Variants in APTX observed in about 807,000 individuals in gnomAD.
APTX encodes forkhead-associated domain histidine triad-like protein.
A neutral mutation model predicts 42.3 loss-of-function variants in APTX; 33 were observed. The observed-to-expected ratio is 0.78, with a 90% confidence interval of 0.59 to 1.04. The LOEUF (loss-of-function observed/expected upper bound fraction) is 1.04. Ranked by LOEUF, APTX falls within the 50% of genes least tolerant of loss-of-function variation. The pLI is 0.00. For synonymous variants in APTX, 130 were observed against 146.7 expected, an observed-to-expected ratio of 0.89 and a Z score of 0.82; for missense variants, 421 against 415.1, an observed-to-expected ratio of 1.01 and a Z score of -0.12.
chr9:33,000,799 A>G (rs775204242), intron 1 of APTX, among the ~76,000 whole-genome samples: 1 of 150,764 alleles, frequency 6.6e-6, no homozygotes, highest in African/African-American at 2.4e-5. Flanking sequence ...CTGCTTTGTT[A>G]AGCCACTATC....
intron 1 of APTX, among the ~76,000 whole-genome samples, chr9:33,019,486 CTTTTT>C (rs1276241313): frequency 3.9e-5 from 6 of 151,978 alleles, no homozygotes; most frequent in Non-Finnish European, 5.9e-5. Context: ...TTTCTTTTTT[CTTTTT>C]AATAGTAGCT....
At chr9:32,995,674 T>C (rs928764635) in intron 1 of APTX, among the ~76,000 whole-genome samples, 39 of 151,892 alleles carry the variant, frequency 2.6e-4, no homozygotes, top group Non-Finnish European at 5.1e-4. Flanking sequence ...GATCACGAGG[T>C]CAGGAGATCG....
At chr9:33,016,457 C>A (rs1036927595) in intron 1 of APTX, among the ~76,000 whole-genome samples, 2 of 152,170 alleles carry the variant, frequency 1.3e-5, no homozygotes, top group Non-Finnish European at 2.9e-5. Flanking sequence ...ATGTTTACTG[C>A]ATATCCTTTC....
chr9:33,019,677 C>T, intron 1 of APTX: 2 of 471,616 alleles, frequency 4.2e-6, no homozygotes, highest in South Asian at 4.1e-5. Context: ...AAGGTTAGAC[C>T]TCGCCCCATT....
At chr9:32,977,536 T>C (rs1189077359) in intron 6 of APTX, among the ~76,000 whole-genome samples, 1 of 143,102 alleles carries the variant, frequency 7.0e-6, no homozygotes, top group Non-Finnish European at 1.5e-5. Context: ...TTTATAAAAA[T>C]GGGGGGGAAA....
intron 1 of APTX, among the ~76,000 whole-genome samples, chr9:33,009,993 G>A (rs1837423634): frequency 6.6e-6 from 1 of 152,000 alleles, no homozygotes; most frequent in Non-Finnish European, 1.5e-5. Flanking sequence ...CCAAACACAG[G>A]GCCTTTCCTT....
At chr9:33,007,630 C>T (rs1837252225) in intron 1 of APTX, among the ~76,000 whole-genome samples, 1 of 152,148 alleles carries the variant, frequency 6.6e-6, no homozygotes, top group Non-Finnish European at 1.5e-5. Flanking sequence ...GAATGAAAAT[C>T]TAGCGAAACA....
At chr9:32,992,053 G>A (rs1438980852) in intron 1 of APTX, among the ~76,000 whole-genome samples, 1 of 152,160 alleles carries the variant, frequency 6.6e-6, no homozygotes, top group Non-Finnish European at 1.5e-5. Flanking sequence ...CTGAGGCAAA[G>A]AGAGAGAGGA....
chr9:32,996,886 G>A lies in APTX; in HGVS notation c.-5+4681C>T, dbSNP rs139219749. On this transcript the variant is annotated intron_variant, in intron 1 of 7. Coordinates refer to ENST00000379817, the MANE Select transcript of APTX (RefSeq NM_001195248.2). The stretch of plus-strand genomic sequence containing the variant: ...CTAGTCTTTACTCCAGGATCCCCCG[G>A]TTTTCAGCACCTTTATCAAGTGCAT... Among the ~76,000 whole-genome samples the A allele has an allele frequency of 2.9e-3, 446 of 152,312 alleles. 9 individuals carry two copies. Among genetic ancestry groups the A allele is most frequent in the Non-Finnish European group, 3.1e-3 (208 of 68,022 alleles).
chr9:32,986,488 C>T (rs1832172118), intron 4 of APTX, among the ~76,000 whole-genome samples: 2 of 152,054 alleles, frequency 1.3e-5, no homozygotes, highest in Non-Finnish European at 2.9e-5. Flanking sequence ...TGAGCCACCA[C>T]ACCCGACCCT....
intron 1 of APTX, among the ~76,000 whole-genome samples, chr9:33,024,405 C>T (rs992981303): frequency 3.3e-5 from 5 of 152,236 alleles, no homozygotes; most frequent in African/African-American, 7.2e-5. Flanking sequence ...CCCGTGGTAC[C>T]ATTTTCAAGT....
At chr9:32,979,339 G>A (rs1053258462) in intron 6 of APTX, among the ~76,000 whole-genome samples, 4 of 152,166 alleles carry the variant, frequency 2.6e-5, no homozygotes, top group Non-Finnish European at 4.4e-5. Flanking sequence ...ACGGCCTACA[G>A]CTCCATCCAT....
rs1376506296 is a variant in APTX, at chr9:32,986,005, C to T, written c.509G>A (p.Gly170Asp). The part of the protein sequence containing the change: ...KKESLGHWSQ[G>D]LKISMQDPKM... ...GGGGTCCTGCATAGAAATCTTCAAG[C>T]CTTGACTCCAGTGGCCCAGGGATTC... The change falls in exon 5 of 8, where the codon GGC (glycine) becomes GAC (aspartate). Residue 170 changes from glycine to aspartate, a missense_variant. Gly to Asp is a moderately conservative substitution (Grantham distance 94). Coordinates refer to ENST00000379817, the MANE Select transcript of APTX (RefSeq NM_001195248.2). 2.5e-6 allele frequency: 4 copies of T among 1,598,576 alleles called. No homozygotes were observed. The highest frequency in any genetic ancestry group is 4.5e-5 in the East Asian group (2 of 44,628).
upstream of APTX, among the ~76,000 whole-genome samples, chr9:33,002,979 G>A (rs1365698515): frequency 6.6e-6 from 1 of 152,174 alleles, no homozygotes; most frequent in Non-Finnish European, 1.5e-5. Context: ...ATAAGGAAGT[G>A]GGAAAACACA....
chr9:32,989,513 A>G (rs1833030428), intron 2 of APTX: 2 of 632,704 alleles, frequency 3.2e-6, no homozygotes, highest in African/African-American at 3.6e-5. Flanking sequence ...CAATTCCACC[A>G]TCCCATGGTA....
chr9:33,006,138 C>A (rs755490454), upstream of APTX, among the ~76,000 whole-genome samples: 6 of 151,744 alleles, frequency 4.0e-5, no homozygotes, highest in Non-Finnish European at 7.4e-5. Flanking sequence ...AACCTGGATT[C>A]TGGCTGGGCT....
intron 5 of APTX, among the ~76,000 whole-genome samples, chr9:32,985,751 A>G (rs1196881153): frequency 6.6e-6 from 1 of 152,216 alleles, no homozygotes; most frequent in Non-Finnish European, 1.5e-5. Context: ...GGCACAAGGC[A>G]GAGGGGATAT....
chr9:33,000,362 C>G (rs1563989512), intron 1 of APTX, among the ~76,000 whole-genome samples: 1 of 152,180 alleles, frequency 6.6e-6, no homozygotes, highest in Non-Finnish European at 1.5e-5. Context: ...CACAGTGGCT[C>G]ACGCCTGTAA....
chr9:32,987,051 T>C (rs933438611), intron 4 of APTX, among the ~76,000 whole-genome samples: 1 of 152,112 alleles, frequency 6.6e-6, no homozygotes, highest in African/African-American at 2.4e-5. Context: ...GACCCTCAAG[T>C]GATCTGCCCA....
Sources: allele counts gnomAD v4.1 joint callset (sites outside exome capture counted in the v4.1 genomes callset), GRCh38; gene constraint gnomAD v4.1.1; transcripts MANE v1.5; gene names NCBI Gene and HGNC (gene_info 2026-07-23, HGNC 2026-07-21).